ZNF805: variants seen among roughly 807,000 people sequenced by gnomAD.
The protein encoded by ZNF805 is zinc finger protein 805, also known as CTC-444N24.8.
A neutral mutation model predicts 13.6 loss-of-function variants in ZNF805; 7 were observed. The observed-to-expected ratio is 0.51, with a 90% CI of 0.29 to 0.97. The LOEUF (loss-of-function observed/expected upper bound fraction) is 0.97, where lower values mean the gene tolerates loss of function less well. Among genes scored for constraint, ZNF805 ranks in the 50% least tolerant of loss-of-function variants. The probability of loss-of-function intolerance (pLI) is 0.08; values close to 1 mark genes in which losing one functional copy is unlikely to be tolerated. For synonymous variants in ZNF805, 293 were observed against 279.8 expected (o/e 1.05, Z -0.47); for missense variants, 604 against 771.0 (o/e 0.78, Z 2.57).
At chr19:57,241,626 G>T (rs959336086) in intron 1 of ZNF805, among the ~76,000 whole-genome samples, 1 of 150,470 alleles carries the variant, frequency 6.6e-6, no homozygotes, top group Admixed American at 6.7e-5. Context: ...TTCCTCCCTG[G>T]CTCAGCGCTT....
intron 3 of ZNF805, among the ~76,000 whole-genome samples, chr19:57,252,762 C>T (rs983066501): frequency 6.6e-6 from 1 of 152,034 alleles, no homozygotes; most frequent in African/African-American, 2.4e-5. Context: ...CCAGAGTCAT[C>T]TATTTAGGAT....
Position 57,252,882 on chromosome 19 carries a change from T to A in ZNF805, c.254-191T>A, listed in dbSNP as rs181520359. ...CCCCTCACCTGGTCTCTCTGCCTGG[T>A]CTCCCTTTCAAGGAGTCAGGAATCC... On this transcript the variant is annotated intron_variant, in intron 3 of 3. Coordinates refer to ENST00000414468, the MANE Select transcript of ZNF805 (RefSeq NM_001023563.4). 1.4e-3 allele frequency among the ~76,000 whole-genome samples: 207 copies of A among 152,296 alleles called. 3 individuals are homozygous for A. Among genetic ancestry groups the A allele is most frequent in the African/African-American group, 4.9e-3 (204 of 41,552 alleles).
chr19:57,242,941 G>A (rs1250239461), intron 1 of ZNF805, among the ~76,000 whole-genome samples: 1 of 152,106 alleles, frequency 6.6e-6, no homozygotes, highest in Non-Finnish European at 1.5e-5. Flanking sequence ...TAAAACTCTG[G>A]CTGAACTTGG....
rs202123738 is a variant in ZNF805 at position 57,253,950 on chromosome 19, G to C, written c.1131G>C (p.Gly377=). 2.5e-6 allele frequency: 4 copies of C among 1,612,706 alleles called. No individual in the cohort carries two copies. Among genetic ancestry groups the C allele is most frequent in the Middle Eastern group, 3.3e-4 (2 of 6,036 alleles). The change falls in exon 4 of 4, where the codon GGG becomes GGC. Residue 377 remains glycine (G), a synonymous_variant. Coordinates refer to ENST00000414468, the MANE Select transcript of ZNF805 (RefSeq NM_001023563.4). This position sits in a 1 kb window ranked among gnomAD's most constrained non-coding sequence, Gnocchi z 4.4. ...AGCCCTATGAGTGCAGTGAATGTGG[G>C]AAGGCCTTCTGTGAGAGCGCAGCGC... The part of the protein sequence containing the change: ...GEKPYECSEC[G]KAFCESAALI...
Position 57,254,317 on chromosome 19 carries a change from A to C in ZNF805, c.1498A>C (p.Arg500=), listed in dbSNP as rs747458369. The change falls in exon 4 of 4, where the codon AGG becomes CGG. Residue 500 remains arginine, a synonymous_variant. Transcript: ENST00000414468. ...KAFNRRSGLT[R]HQRIHSGEKP... Reference sequence around the variant, plus strand: ...CTTCAACCGCAGGTCAGGCCTCACAAGGCACCAGCGGATTCATAGTGGAGA... The same window carrying C: ...CTTCAACCGCAGGTCAGGCCTCACACGGCACCAGCGGATTCATAGTGGAGA... 4 of 1,613,706 alleles carry C rather than the reference A, an allele frequency of 2.5e-6. No individual in the cohort carries two copies. The highest frequency in any genetic ancestry group is 4.5e-5 in the East Asian group (2 of 44,828).
Position 57,253,006 on chromosome 19 carries a change from G to A in ZNF805, c.254-67G>A. 1 of 1,296,994 alleles carries A rather than the reference G, an allele frequency of 7.7e-7. No individual in the cohort carries two copies. The highest frequency in any genetic ancestry group is 1.0e-6 in the Non-Finnish European group (1 of 1,001,514). The allele number at this position is 1,296,994 out of a possible 1,614,324, so 80.3% of individuals were successfully genotyped here. The stretch of plus-strand genomic sequence containing the variant: ...TTATAACTTCATTTTTTTTACTGAA[G>A]TGGTGAGTTTGTTTCTTCTCTTTTT... On this transcript the variant is annotated intron_variant, in intron 3 of 3. Transcript: ENST00000414468. This position sits in a 1 kb window ranked among gnomAD's most constrained non-coding sequence, Gnocchi z 4.4.
chr19:57,249,467 C>T (rs1409576606), intron 3 of ZNF805, among the ~76,000 whole-genome samples: 1 of 152,072 alleles, frequency 6.6e-6, no homozygotes, highest in Non-Finnish European at 1.5e-5. Context: ...AAGTTGTAAT[C>T]ATGTGATACA....
intron 3 of ZNF805, among the ~76,000 whole-genome samples, 199 bp downstream of exon 3, chr19:57,248,899 T>C (rs1210346534): frequency 2.0e-5 from 3 of 152,148 alleles, no homozygotes; most frequent in African/African-American, 7.2e-5. Context: ...GAGTGAGGTG[T>C]GTGAACTGAG....
chr19:57,247,880 C>T (rs930562959), intron 2 of ZNF805, among the ~76,000 whole-genome samples: 1 of 152,196 alleles, frequency 6.6e-6, no homozygotes, highest in African/African-American at 2.4e-5. Flanking sequence ...TATGGACTTC[C>T]TGGGTATACC....
At chr19:57,250,310 G>A (rs34870686) in intron 3 of ZNF805, among the ~76,000 whole-genome samples, 66,432 of 151,950 alleles carry the variant, frequency 0.44, 15,752 homozygotes, top group Non-Finnish European at 0.53. Context: ...TCGGCTCACC[G>A]CAACCTCCGC....
At position 57,261,146 on chromosome 19, in the gene ZNF805, G is replaced by A. The variant is rs186106667; in HGVS notation, c.*6443G>A. Among the ~76,000 whole-genome samples, 520 of 152,248 alleles carry A rather than the reference G, an allele frequency of 3.4e-3. 4 individuals are homozygous for A. Among genetic ancestry groups the A allele is most frequent in the Middle Eastern group, 6.8e-3 (2 of 294 alleles). On this transcript the variant is annotated 3_prime_UTR_variant, in exon 4 of 4. Coordinates refer to ENST00000414468, the MANE Select transcript of ZNF805 (RefSeq NM_001023563.4). ...GGTCTTTGTTTCCTGGTCATCACTT[G>A]TTTTTACTAAAATGGGTCAAACTGT...
At position 57,260,087 on chromosome 19, in the gene ZNF805, G is replaced by T. The variant is rs529761303; in HGVS notation, c.*5384G>T. On this transcript the variant is annotated 3_prime_UTR_variant, in exon 4 of 4. Transcript: ENST00000414468. Reference sequence around the variant, plus strand: ...GTTGTATGTAAAATCCTCCAGCTCTGTAAGCCTTGTTATATCCTCAATGGA... The same window carrying T: ...GTTGTATGTAAAATCCTCCAGCTCTTTAAGCCTTGTTATATCCTCAATGGA... Among the ~76,000 whole-genome samples the T allele has an allele frequency of 7.9e-5, 12 of 152,268 alleles. No homozygotes were observed. The South Asian group carries it at 2.1e-3, about 26-fold the overall frequency.
rs759168020 is a variant in ZNF805, at chr19:57,243,875, A to G, written c.31-48A>G. 3 of 1,613,764 alleles carry G rather than the reference A, an allele frequency of 1.9e-6. No individual in the cohort carries two copies. The South Asian group carries it at 3.3e-5, about 18-fold the overall frequency. ...TGTTGCACCTTTTCCAGCAAAGCACATGCAATAGTCCCACAGCAAACTCTA... is the reference window on the plus strand; with the variant it reads ...TGTTGCACCTTTTCCAGCAAAGCACGTGCAATAGTCCCACAGCAAACTCTA... On this transcript the variant is annotated intron_variant, in intron 1 of 3. Transcript: ENST00000414468.
rs2087716549 is a variant in ZNF805, at chr19:57,260,311, C to T, written c.*5608C>T. On this transcript the variant is annotated 3_prime_UTR_variant, in exon 4 of 4. Transcript: ENST00000414468. ...AGCCTCGTTTCCAACCTATTTCACC[C>T]TTCCTTGCCTATCAAGCTCTGGTTA... 6.6e-6 allele frequency among the ~76,000 whole-genome samples: 1 copy of T among 152,310 alleles called. No individual in the cohort carries two copies. Among genetic ancestry groups the T allele is most frequent in the South Asian group, 2.1e-4 (1 of 4,824 alleles).
intron 2 of ZNF805, among the ~76,000 whole-genome samples, chr19:57,247,921 T>G (rs1179859975): frequency 6.6e-6 from 1 of 152,226 alleles, no homozygotes; most frequent in Non-Finnish European, 1.5e-5. Context: ...AATCCTCATT[T>G]AATGGCTAGG....
rs551175540 is a variant in ZNF805, at chr19:57,246,018, T to A, written c.157+1969T>A. 2.0e-5 allele frequency among the ~76,000 whole-genome samples: 3 copies of A among 152,348 alleles called. No homozygotes were observed. In the South Asian group the frequency reaches 6.2e-4, roughly 32 times the overall value. On this transcript the variant is annotated intron_variant, in intron 2 of 3. Transcript: ENST00000414468. ...ACACTTGAGGAAGTTGTTCTTTTATTTCTTCTCGTCTTGTCTCCTTAGCAT... is the reference window on the plus strand; with the variant it reads ...ACACTTGAGGAAGTTGTTCTTTTATATCTTCTCGTCTTGTCTCCTTAGCAT...
intron 2 of ZNF805, among the ~76,000 whole-genome samples, chr19:57,244,859 C>T (rs569611661): frequency 3.9e-5 from 6 of 152,272 alleles, no homozygotes; most frequent in African/African-American, 1.4e-4. Flanking sequence ...CTCTGTGGGG[C>T]GTGTTTGAGG....
At chr19:57,243,857 C>G in intron 1 of ZNF805, 66 bp from the exon 2 acceptor site, 1 of 1,610,638 alleles carries the variant, frequency 6.2e-7, no homozygotes. Flanking sequence ...TCTTGTTGCA[C>G]CTTTTCCAGC....
chr19:57,256,307 ACT>A lies in ZNF805; in HGVS notation c.*1605_*1606del, dbSNP rs2122847655. On this transcript the variant is annotated 3_prime_UTR_variant, in exon 4 of 4. Transcript: ENST00000414468. ...CTGTAGTTTTCTTTCTTCAACTGTT[ACT>A]GTTTGGTTTTGATGTCTAGATGATA... 6.6e-6 allele frequency among the ~76,000 whole-genome samples: 1 copy of A among 152,124 alleles called. No homozygotes were observed. The highest frequency in any genetic ancestry group is 2.4e-5 in the African/African-American group (1 of 41,526).
Sources: gnomAD v4.1 joint callset for allele counts (sites outside exome capture counted in the v4.1 genomes callset) on GRCh38, gnomAD v4.1.1 for gene constraint, Gnocchi (gnomAD v3.1) non-coding constraint, MANE v1.5 for transcripts, NCBI Gene and HGNC (gene_info 2026-07-23, HGNC 2026-07-21) for gene names.